The following DPP6 variants were observed in gnomAD, a reference collection of about 807,000 sequenced individuals.
DPP6 encodes A-type potassium channel modulatory protein DPP6.
Under a neutral mutation model 122.6 loss-of-function variants are expected in DPP6, and 69 were observed. That is an observed-to-expected ratio of 0.56 (90% CI 0.46 to 0.69). DPP6 has a LOEUF of 0.69. Among genes scored for constraint, DPP6 ranks in the 30% least tolerant of loss-of-function variants. The probability of loss-of-function intolerance (pLI) is 0.00; values close to 1 mark genes in which losing one functional copy is unlikely to be tolerated. For synonymous variants in DPP6, 418 were observed against 433.1 expected (o/e 0.97, Z 0.43); for missense variants, 928 against 1,116.9 (o/e 0.83, Z 2.41).
intron 1 of DPP6, among the ~76,000 whole-genome samples, chr7:153,978,805 A>G (rs1195304026): frequency 6.6e-6 from 1 of 152,082 alleles, no homozygotes; most frequent in Non-Finnish European, 1.5e-5. Context: ...TAAATAGGTA[A>G]TCGTTTCCCC....
chr7:154,586,744 C>T (rs1225356756), intron 5 of DPP6, among the ~76,000 whole-genome samples: 1 of 152,222 alleles, frequency 6.6e-6, no homozygotes, highest in Non-Finnish European at 1.5e-5. Context: ...GTGCTGTTTC[C>T]TCCACCTGGA....
At chr7:153,957,272 C>T (rs981200590) in intron 1 of DPP6, among the ~76,000 whole-genome samples, 3 of 152,178 alleles carry the variant, frequency 2.0e-5, no homozygotes, top group African/African-American at 7.2e-5. Flanking sequence ...AGTCCAAGGA[C>T]GCCACCTGCT....
At chr7:154,604,026 C>CT in intron 5 of DPP6, among the ~76,000 whole-genome samples, 1 of 120,876 alleles carries the variant, frequency 8.3e-6, no homozygotes, top group Non-Finnish European at 1.9e-5. Context: ...ACATGTTATT[C>CT]TTTTACTTAA....
chr7:154,668,243 CAG>C lies in DPP6; in HGVS notation c.681-1114_681-1113del, dbSNP rs1282661915. Among the ~76,000 whole-genome samples, 12 of 47,456 alleles carry C rather than the reference CAG, an allele frequency of 2.5e-4. 1 individual carries two copies. The highest frequency in any genetic ancestry group is 4.9e-4 in the African/African-American group (10 of 20,518). 31.1% of individuals were successfully genotyped at this position (47,456 alleles called of 152,430 possible). A position where few individuals can be genotyped will look rare whatever the true frequency, so the allele number is the denominator to read the frequency against. On this transcript the variant is annotated intron_variant, in intron 6 of 25. Coordinates refer to ENST00000377770, the MANE Select transcript of DPP6 (RefSeq NM_130797.4). ...TAATATACACATTTTTTTTTCAAGA[CAG>C]AGTTTCGCTCTGTCACCCAGGCTAC...
intron 1 of DPP6, among the ~76,000 whole-genome samples, chr7:154,356,694 A>G (rs1203280137): frequency 6.6e-6 from 1 of 152,218 alleles, no homozygotes; most frequent in Non-Finnish European, 1.5e-5. Context: ...AAAAATTACA[A>G]CTTTTAAAAC....
chr7:154,008,819 G>A (rs1466716598), intron 1 of DPP6, among the ~76,000 whole-genome samples: 4 of 151,446 alleles, frequency 2.6e-5, no homozygotes, highest in African/African-American at 9.7e-5. Flanking sequence ...CCGCCACTAC[G>A]CCCGGCTAAT....
At chr7:154,866,750 A>C (rs1803907168) in intron 17 of DPP6, among the ~76,000 whole-genome samples, 1 of 152,194 alleles carries the variant, frequency 6.6e-6, no homozygotes, top group Admixed American at 6.5e-5. Flanking sequence ...CTCAATATTC[A>C]AATGTGTCCA....
chr7:154,417,766 C>A (rs1034284342), intron 1 of DPP6, among the ~76,000 whole-genome samples: 1 of 152,218 alleles, frequency 6.6e-6, no homozygotes, highest in African/African-American at 2.4e-5. Flanking sequence ...ATTTAGTCCT[C>A]CCCATCTTCA....
chr7:154,333,450 T>C (rs1209531089), intron 1 of DPP6, among the ~76,000 whole-genome samples: 1 of 152,210 alleles, frequency 6.6e-6, no homozygotes, highest in Non-Finnish European at 1.5e-5. Context: ...CGTGAACTGC[T>C]AGCACTATCG....
chr7:154,011,102 G>A (rs910433779), intron 1 of DPP6, among the ~76,000 whole-genome samples: 3 of 152,104 alleles, frequency 2.0e-5, no homozygotes, highest in African/African-American at 7.2e-5. Flanking sequence ...CTTGCTGGTT[G>A]ATCATCTGCC....
At chr7:154,628,360 A>C (rs1835210867) in intron 5 of DPP6, among the ~76,000 whole-genome samples, 1 of 152,196 alleles carries the variant, frequency 6.6e-6, no homozygotes, top group South Asian at 2.1e-4. Context: ...CCTTAAAGAC[A>C]TCTATCCCTC....
intron 1 of DPP6, among the ~76,000 whole-genome samples, chr7:154,425,621 GGTGTGT>G (rs3056535): frequency 4.1e-4 from 50 of 121,504 alleles, no homozygotes; most frequent in African/African-American, 1.6e-3. Context: ...TGTGTGTGTG[GGTGTGT>G]GTGTGTGTGT....
intron 8 of DPP6, among the ~76,000 whole-genome samples, chr7:154,731,717 G>A (rs1046409799): frequency 2.0e-5 from 3 of 152,098 alleles, no homozygotes; most frequent in Non-Finnish European, 2.9e-5. Flanking sequence ...AAATTACATC[G>A]AATTTTGATT....
intron 5 of DPP6, among the ~76,000 whole-genome samples, chr7:154,619,551 T>C (rs1834501294): frequency 6.6e-6 from 1 of 152,202 alleles, no homozygotes; most frequent in Non-Finnish European, 1.5e-5. Flanking sequence ...GGCTAGTGTA[T>C]TTGTGGCTGA....
chr7:154,412,487 C>T (rs911045640), intron 1 of DPP6, among the ~76,000 whole-genome samples: 2 of 152,084 alleles, frequency 1.3e-5, no homozygotes, highest in Non-Finnish European at 2.9e-5. Context: ...GCCTCCCCAC[C>T]TCATTTAACC....
chr7:154,014,668 AAAG>A (rs1424141317), intron 1 of DPP6, among the ~76,000 whole-genome samples: 1 of 151,934 alleles, frequency 6.6e-6, no homozygotes, highest in Non-Finnish European at 1.5e-5. Context: ...TGTCAAAAAA[AAAG>A]AAGAAAGAAA....
At chr7:154,587,952 T>C in intron 5 of DPP6, 1 of 1,612,936 alleles carries the variant, frequency 6.2e-7, no homozygotes, top group Non-Finnish European at 8.5e-7. Flanking sequence ...TTCGCAGCCA[T>C]GCACCTGCAG....
intron 8 of DPP6, among the ~76,000 whole-genome samples, chr7:154,765,693 A>G (rs958893341): frequency 6.6e-6 from 1 of 152,180 alleles, no homozygotes; most frequent in African/African-American, 2.4e-5. Flanking sequence ...CAGCCATTGA[A>G]CACCGACTGT....
At chr7:154,857,291 T>C (rs187035675) in intron 17 of DPP6, among the ~76,000 whole-genome samples, 2 of 152,218 alleles carry the variant, frequency 1.3e-5, no homozygotes, top group Admixed American at 1.3e-4. Context: ...ATTTGAGGGG[T>C]TCCAGGTTCC....
Sources: allele counts gnomAD v4.1 joint callset (sites outside exome capture counted in the v4.1 genomes callset), GRCh38; gene constraint gnomAD v4.1.1; transcripts MANE v1.5; gene names NCBI Gene and HGNC (gene_info 2026-07-23, HGNC 2026-07-21).